The following MMACHC variants were observed in gnomAD, a reference collection of about 807,000 sequenced individuals.
MMACHC encodes metabolism of cobalamin associated C.
A neutral mutation model predicts 17.6 loss-of-function variants in MMACHC; 14 were observed. The ratio of observed to expected loss-of-function variants is 0.80; its 90% CI spans 0.53 to 1.25. The LOEUF (loss-of-function observed/expected upper bound fraction) is 1.25. Among genes scored for constraint, MMACHC ranks in the 50% most tolerant of loss-of-function variants. The pLI is 0.00. For missense variants in MMACHC, 392 were observed against 364.5 expected, an observed-to-expected ratio of 1.08 and a Z score of -0.62; for synonymous variants, 151 against 142.1, an observed-to-expected ratio of 1.06 and a Z score of -0.45.
At position 45,511,457 on chromosome 1, in the gene MMACHC, T is replaced by TGGTGCATACCATTG; in HGVS notation, c.*2242_*2243insGGTGCATACCATTG. ...CACTAATTAATAACCTTCTCAATGG[T>TGGTGCATACCATTG]ATGCACCACCATTCTCCTATGGACA... On this transcript the variant is annotated 3_prime_UTR_variant, in exon 4 of 4. Coordinates refer to ENST00000401061, the MANE Select transcript of MMACHC (RefSeq NM_015506.3). 1 of 1,523,162 alleles carries TGGTGCATACCATTG rather than the reference T, an allele frequency of 6.6e-7. No homozygotes were observed. The highest frequency in any genetic ancestry group is 9.1e-7 in the Non-Finnish European group (1 of 1,104,132). 94.4% of individuals were successfully genotyped at this position (1,523,162 alleles called of 1,614,324 possible). A position where few individuals can be genotyped will look rare whatever the true frequency, so the allele number is the denominator to read the frequency against.
In MMACHC at chr1:45,512,075, T is replaced by C. The variant is rs953448658; in HGVS notation, c.*2860T>C. 3.0e-5 allele frequency: 4 copies of C among 132,254 alleles called. No individual in the cohort carries two copies. The highest frequency in any genetic ancestry group is 4.8e-5 in the Non-Finnish European group (3 of 62,298). 8.2% of individuals were successfully genotyped at this position (132,254 alleles called of 1,614,324 possible). A position where few individuals can be genotyped will look rare whatever the true frequency, so the allele number is the denominator to read the frequency against. ...GGACTAATCTCTTATTTTTCTTTTT[T>C]TTTTTTTTTTTTTTTTTTTTTGAGA... On this transcript the variant is annotated 3_prime_UTR_variant, in exon 4 of 4. Coordinates refer to ENST00000401061, the MANE Select transcript of MMACHC (RefSeq NM_015506.3).
chr1:45,504,754 C>T (rs1173634722), intron 1 of MMACHC, among the ~76,000 whole-genome samples: 1 of 152,078 alleles, frequency 6.6e-6, no homozygotes, highest in Non-Finnish European at 1.5e-5. Flanking sequence ...CCCTGATGGG[C>T]TCAAGTCAGA....
rs12021717 is a variant in MMACHC, at chr1:45,509,628, G to A, written c.*413G>A. On this transcript the variant is annotated 3_prime_UTR_variant, in exon 4 of 4. Transcript: ENST00000401061. The stretch of plus-strand genomic sequence containing the variant: ...GGGGTTTCATCATATTGGCCAGGCT[G>A]GTCTTTAACTCCTGACCTCGTGATC... 0.18 allele frequency: 30,429 copies of A among 167,092 alleles called. 3,181 individuals carry two copies. The highest frequency in any genetic ancestry group is 0.23 in the Non-Finnish European group (18,241 of 78,214). The allele number at this position is 167,092 out of a possible 1,614,324, so 10.4% of individuals were successfully genotyped here. A position where few individuals can be genotyped will look rare whatever the true frequency, so the allele number is the denominator to read the frequency against.
rs1643788771 is a variant in MMACHC, at chr1:45,513,184, CCTCTT to C, written c.*3974_*3978del. On this transcript the variant is annotated 3_prime_UTR_variant, in exon 4 of 4. Coordinates refer to ENST00000401061, the MANE Select transcript of MMACHC (RefSeq NM_015506.3). ...TAAAAATATGAACTATATGGATTAA[CCTCTT>C]CTCTCAATAAAGTTATTTAAAAAAT... 6.6e-6 allele frequency: 1 copy of C among 152,220 alleles called. No individual in the cohort carries two copies. Among genetic ancestry groups the C allele is most frequent in the Non-Finnish European group, 1.5e-5 (1 of 68,016 alleles). The allele number at this position is 152,220 out of a possible 1,614,324, so 9.4% of individuals were successfully genotyped here.
Position 45,511,515 on chromosome 1 carries a change from A to C in MMACHC, c.*2300A>C. On this transcript the variant is annotated 3_prime_UTR_variant, in exon 4 of 4. Transcript: ENST00000401061. ...TTCTGCACCTGAACACTCAGATACC[A>C]GGAAACCTACCCCTGCAATCAGTCT... The C allele has an allele frequency of 1.1e-6, 1 of 884,874 alleles. No homozygotes were observed. Among genetic ancestry groups the C allele is most frequent in the Non-Finnish European group, 1.8e-6 (1 of 568,142 alleles). The allele number at this position is 884,874 out of a possible 1,614,324, so 54.8% of individuals were successfully genotyped here.
Position 45,511,335 on chromosome 1 carries a change from C to A in MMACHC, c.*2120C>A. 3 of 1,612,086 alleles carry A rather than the reference C, an allele frequency of 1.9e-6. No individual in the cohort carries two copies. The highest frequency in any genetic ancestry group is 2.5e-6 in the Non-Finnish European group (3 of 1,178,960). ...CACTAAAACAGCCCAGCGCTCACTTCTGCTTGGAGAAATATTCTTTGCTCT... is the reference window on the plus strand; with the variant it reads ...CACTAAAACAGCCCAGCGCTCACTTATGCTTGGAGAAATATTCTTTGCTCT... On this transcript the variant is annotated 3_prime_UTR_variant, in exon 4 of 4. Coordinates refer to ENST00000401061, the MANE Select transcript of MMACHC (RefSeq NM_015506.3).
At chr1:45,503,056 C>A (rs560255612) in intron 1 of MMACHC, among the ~76,000 whole-genome samples, 160 of 152,238 alleles carry the variant, frequency 1.1e-3, no homozygotes, top group Non-Finnish European at 1.9e-3. Context: ...CCTGTCATTG[C>A]ACTAGCTATA....
At position 45,508,820 on chromosome 1, in the gene MMACHC, C is replaced by T. The variant is rs1643677046; in HGVS notation, c.454C>T (p.Pro152Ser). ...GCGCATATCAGGTGTGTGCATACAC[C>T]CCCGATTTGGGGGCTGGTTTGCCAT... ...NQRISGVCIH[P>S]RFGGWFAIRG... Residue 152 changes from proline (P) to serine (S), a missense_variant, in exon 4 of 4, where the codon CCC becomes TCC. Coordinates refer to ENST00000401061, the MANE Select transcript of MMACHC (RefSeq NM_015506.3). 3 of 1,613,928 alleles carry T rather than the reference C, an allele frequency of 1.9e-6. No individual in the cohort carries two copies. Among genetic ancestry groups the T allele is most frequent in the Non-Finnish European group, 2.5e-6 (3 of 1,179,986 alleles).
intron 1 of MMACHC, among the ~76,000 whole-genome samples, chr1:45,503,726 A>C (rs1186466329): frequency 6.6e-6 from 1 of 152,206 alleles, no homozygotes; most frequent in African/African-American, 2.4e-5. Context: ...AGCTACAATC[A>C]AACAAGTAAT....
At chr1:45,506,803 T>C (rs1643627520) in intron 1 of MMACHC, among the ~76,000 whole-genome samples, 1 of 151,806 alleles carries the variant, frequency 6.6e-6, no homozygotes, top group African/African-American at 2.4e-5. Flanking sequence ...TTCATTTTCA[T>C]TGGTTCATTT....
chr1:45,505,448 A>AAAAAT (rs1214797644), intron 1 of MMACHC, among the ~76,000 whole-genome samples: 2 of 152,096 alleles, frequency 1.3e-5, no homozygotes, highest in African/African-American at 2.4e-5. Context: ...ATCCGTCTCA[A>AAAAAT]AAAATAAAAT....
intron 1 of MMACHC, among the ~76,000 whole-genome samples, chr1:45,502,566 C>G (rs1643562375): frequency 1.3e-5 from 2 of 152,202 alleles, no homozygotes; most frequent in South Asian, 4.2e-4. Flanking sequence ...AAAATACACA[C>G]CAGTGAGTTT....
chr1:45,511,059 C>T lies in MMACHC; in HGVS notation c.*1844C>T, dbSNP rs1418390062. The T allele has an allele frequency of 6.6e-6, 2 of 304,674 alleles. No individual in the cohort carries two copies. Among genetic ancestry groups the T allele is most frequent in the Non-Finnish European group, 1.2e-5 (2 of 167,298 alleles). The allele number at this position is 304,674 out of a possible 1,614,324, so 18.9% of individuals were successfully genotyped here. On this transcript the variant is annotated 3_prime_UTR_variant, in exon 4 of 4. Coordinates refer to ENST00000401061, the MANE Select transcript of MMACHC (RefSeq NM_015506.3). ...ATAAAGACTCATCAAGGTCTCAGTT[C>T]AAGTTTAATACAAACTACAAAAGAT...
rs1230619122 is a variant in MMACHC, at chr1:45,509,361, A to C, written c.*146A>C. The C allele has an allele frequency of 2.2e-6, 2 of 918,384 alleles. No homozygotes were observed. The highest frequency in any genetic ancestry group is 3.2e-6 in the Non-Finnish European group (2 of 627,912). The allele number at this position is 918,384 out of a possible 1,614,324, so 56.9% of individuals were successfully genotyped here. A position where few individuals can be genotyped will look rare whatever the true frequency, so the allele number is the denominator to read the frequency against. On this transcript the variant is annotated 3_prime_UTR_variant, in exon 4 of 4. Transcript: ENST00000401061. ...GAAGATAACAAGGCTCAAGGAAGTTAGGTTTGGCCAAGATAAAGGCCAGGG... is the reference window on the plus strand; with the variant it reads ...GAAGATAACAAGGCTCAAGGAAGTTCGGTTTGGCCAAGATAAAGGCCAGGG...
intron 1 of MMACHC, among the ~76,000 whole-genome samples, chr1:45,503,262 G>A (rs1187651811): frequency 6.6e-6 from 1 of 151,918 alleles, no homozygotes; most frequent in Non-Finnish European, 1.5e-5. Context: ...GGTGGGCGTG[G>A]TGGTGTGCAC....
Position 45,513,305 on chromosome 1 carries a change from T to C in MMACHC, c.*4090T>C, listed in dbSNP as rs1188570850. 1.3e-5 allele frequency: 2 copies of C among 152,230 alleles called. No individual in the cohort carries two copies. The highest frequency in any genetic ancestry group is 2.9e-5 in the Non-Finnish European group (2 of 68,046). 9.4% of individuals were successfully genotyped at this position (152,230 alleles called of 1,614,324 possible). The stretch of plus-strand genomic sequence containing the variant: ...ATCCTACATTCAGTAAGTTAGATCT[T>C]TGGGAGTGACTGATTCTAAATGAGC... On this transcript the variant is annotated 3_prime_UTR_variant, in exon 4 of 4. Transcript: ENST00000401061.
intron 1 of MMACHC, among the ~76,000 whole-genome samples, chr1:45,506,671 C>T (rs949060910): frequency 1.3e-5 from 2 of 151,752 alleles, no homozygotes; most frequent in African/African-American, 4.8e-5. Flanking sequence ...ATTTCTAGTA[C>T]AGGCAGGGTT....
chr1:45,500,630 C>G (rs1643525652), intron 1 of MMACHC, among the ~76,000 whole-genome samples: 1 of 151,774 alleles, frequency 6.6e-6, no homozygotes, highest in Non-Finnish European at 1.5e-5. Context: ...TTTGGGAGGC[C>G]GAGGCGGGCG....
At position 45,509,419 on chromosome 1, in the gene MMACHC, T is replaced by G. The variant is rs1250354759; in HGVS notation, c.*204T>G. On this transcript the variant is annotated 3_prime_UTR_variant, in exon 4 of 4. Transcript: ENST00000401061. ...ATTCCCATCTGCCTTCAAATGAGTT[T>G]TTTTTTTTTTTTTAGACAGAGTCTT... The G allele has an allele frequency of 3.6e-6, 2 of 550,316 alleles. No homozygotes were observed. Among genetic ancestry groups the G allele is most frequent in the African/African-American group, 2.0e-5 (1 of 48,850 alleles). The allele number at this position is 550,316 out of a possible 1,614,324, so 34.1% of individuals were successfully genotyped here. A position where few individuals can be genotyped will look rare whatever the true frequency, so the allele number is the denominator to read the frequency against.
Sources: gnomAD v4.1 joint callset for allele counts (sites outside exome capture counted in the v4.1 genomes callset) on GRCh38, gnomAD v4.1.1 for gene constraint, MANE v1.5 for transcripts, NCBI Gene and HGNC (gene_info 2026-07-23, HGNC 2026-07-21) for gene names.